KMO: variants seen among roughly 807,000 people sequenced by gnomAD.
The protein encoded by KMO is kynurenine 3-monooxygenase.
A neutral mutation model predicts 57.8 loss-of-function variants in KMO; 24 were observed. That is an observed-to-expected ratio of 0.42 (90% CI 0.30 to 0.58). KMO has a LOEUF of 0.58. Among genes scored for constraint, KMO ranks in the 20% least tolerant of loss-of-function variants. KMO has a pLI of 0.22. For synonymous variants in KMO, 210 were observed against 193.6 expected (o/e 1.08, Z -0.70); for missense variants, 483 against 588.2 (o/e 0.82, Z 1.85).
chr1:241,584,753 C>G (rs1287386998), intron 10 of KMO, among the ~76,000 whole-genome samples: 1 of 152,056 alleles, frequency 6.6e-6, no homozygotes, highest in Non-Finnish European at 1.5e-5. Context: ...ATTATATTCT[C>G]CATGAAGCAG....
At chr1:241,578,546 T>C (rs890509725) in intron 10 of KMO, among the ~76,000 whole-genome samples, 1 of 152,128 alleles carries the variant, frequency 6.6e-6, no homozygotes, top group African/African-American at 2.4e-5. Flanking sequence ...GATCCAGTAA[T>C]GTGACCTGCC....
At chr1:241,544,761 A>G (rs1292007536) in intron 1 of KMO, among the ~76,000 whole-genome samples, 2 of 152,176 alleles carry the variant, frequency 1.3e-5, no homozygotes, top group Non-Finnish European at 2.9e-5. Flanking sequence ...TAACATGCAT[A>G]CAAAATTTTG....
chr1:241,549,341 A>AGC, intron 2 of KMO, among the ~76,000 whole-genome samples: 2 of 144,554 alleles, frequency 1.4e-5, no homozygotes, highest in South Asian at 2.2e-4. Context: ...AGATGAAAAG[A>AGC]AAGAAAGAAA....
intron 9 of KMO, 29 bp downstream of exon 9, chr1:241,566,641 A>C: frequency 6.2e-7 from 1 of 1,610,702 alleles, no homozygotes; most frequent in Non-Finnish European, 8.5e-7. Context: ...CTTTTGCTCC[A>C]TTTGTTTTAA....
intron 10 of KMO, among the ~76,000 whole-genome samples, chr1:241,583,862 CT>C (rs774489950): frequency 3.0e-4 from 45 of 152,240 alleles, no homozygotes; most frequent in Non-Finnish European, 5.3e-4. Flanking sequence ...GGAAACTTGG[CT>C]ATCAGCAATT....
chr1:241,537,236 G>A (rs1016814688), intron 1 of KMO, among the ~76,000 whole-genome samples: 8 of 152,074 alleles, frequency 5.3e-5, no homozygotes, highest in Admixed American at 1.3e-4. Flanking sequence ...CTCGCTCACA[G>A]ATCTCTAGCT....
intron 10 of KMO, among the ~76,000 whole-genome samples, chr1:241,571,721 CA>C (rs1662285978): frequency 6.6e-6 from 1 of 151,922 alleles, no homozygotes; most frequent in African/African-American, 2.4e-5. Context: ...CTATGTTTAT[CA>C]GAGATATTGG....
chr1:241,586,730 G>T lies in KMO; in HGVS notation c.1009G>T (p.Asp337Tyr). Residue 337 changes from aspartate (D) to tyrosine (Y), a missense_variant, in exon 11 of 15, where the codon GAC (aspartate) becomes TAC (tyrosine). Transcript: ENST00000366559. ...TGAGTTAATGGATAAATTCAGTAAC[G>T]ACCTTAGTAAGTAAGGTCAATTTCT... ...FDELMDKFSN[D>Y]LSLCLPVFSR... is the part of the protein sequence containing the mutation. 1 of 1,602,866 alleles carries T rather than the reference G, an allele frequency of 6.2e-7. No individual in the cohort carries two copies. The highest frequency in any genetic ancestry group is 8.5e-7 in the Non-Finnish European group (1 of 1,175,304).
rs762428402 is a variant in KMO, at chr1:241,588,060, C to T, written c.1016-688C>T. Among the ~76,000 whole-genome samples, 5 of 152,074 alleles carry T rather than the reference C, an allele frequency of 3.3e-5. No homozygotes were observed. The East Asian group carries it at 9.6e-4, about 29-fold the overall frequency. On this transcript the variant is annotated intron_variant, in intron 11 of 14. Coordinates refer to ENST00000366559, the MANE Select transcript of KMO (RefSeq NM_003679.5). ...CACCCAGTTTCAAGTCCTGACTTGC[C>T]AACTTATTAACTGTGTGATCTTGAG...
Position 241,592,392 on chromosome 1 carries a change from T to C in KMO, c.*239T>C. 9.8e-6 allele frequency: 5 copies of C among 510,736 alleles called. No homozygotes were observed. The highest frequency in any genetic ancestry group is 1.8e-5 in the Non-Finnish European group (5 of 283,066). The allele number at this position is 510,736 out of a possible 1,614,324, so 31.6% of individuals were successfully genotyped here. A position where few individuals can be genotyped will look rare whatever the true frequency, so the allele number is the denominator to read the frequency against. On this transcript the variant is annotated 3_prime_UTR_variant, in exon 15 of 15. Coordinates refer to ENST00000366559, the MANE Select transcript of KMO (RefSeq NM_003679.5). ...CACTCAGGTTGAGTCATTCTAACTA[T>C]AAAAGTGCAATGACTAAGATCCTTC...
chr1:241,550,576 G>C (rs748535822), intron 3 of KMO, among the ~76,000 whole-genome samples: 110 of 152,176 alleles, frequency 7.2e-4, no homozygotes, highest in Non-Finnish European at 1.1e-3. Context: ...CCAGATAGCA[G>C]CAGTCATGTG....
chr1:241,565,195 C>G, intron 8 of KMO, 137 bp downstream of exon 8: 1 of 575,206 alleles, frequency 1.7e-6, no homozygotes, highest in South Asian at 2.4e-5. Flanking sequence ...AGCTTTGAAA[C>G]TTTGGGATTA....
At chr1:241,569,446 C>T (rs1573926387) in intron 10 of KMO, among the ~76,000 whole-genome samples, 2 of 152,054 alleles carry the variant, frequency 1.3e-5, no homozygotes, top group South Asian at 2.1e-4. Flanking sequence ...ATTTCACTAA[C>T]GTCTTCTGGT....
intron 10 of KMO, among the ~76,000 whole-genome samples, chr1:241,586,191 CTTTTTTTTT>C (rs386370217): frequency 8.7e-5 from 7 of 80,072 alleles, no homozygotes; most frequent in Non-Finnish European, 1.4e-4. Context: ...AGTCTATGGT[CTTTTTTTTT>C]TTTTTTTTTT....
chr1:241,558,689 A>G (rs1308478318), intron 5 of KMO, among the ~76,000 whole-genome samples: 1 of 151,218 alleles, frequency 6.6e-6, no homozygotes, highest in Non-Finnish European at 1.5e-5. Flanking sequence ...CTTGGTCTGC[A>G]TTGTGGATCT....
In KMO at chr1:241,551,029, TG is replaced by T; in HGVS notation, c.300del (p.Thr101GlnfsTer9). The T allele has an allele frequency of 6.4e-7, 1 of 1,556,914 alleles. No homozygotes were observed. Among genetic ancestry groups the T allele is most frequent in the South Asian group, 1.2e-5 (1 of 84,636 alleles). On this transcript the variant is annotated frameshift_variant, in exon 4 of 15. Transcript: ENST00000366559. LOFTEE classifies it high-confidence loss of function. ...LSGKKSAIPY[G>X]TKSQYILSVS... ...CAGGAAAAAAGTCTGCAATTCCCTA[TG>T]GGACAAAGTCTCAGGTAGGTTTACC...
intron 4 of KMO, among the ~76,000 whole-genome samples, chr1:241,554,781 G>A (rs1265308332): frequency 5.5e-5 from 8 of 146,404 alleles, no homozygotes; most frequent in African/African-American, 2.0e-4. Flanking sequence ...GACCAGGCTG[G>A]CCAACATGGC....
intron 10 of KMO, among the ~76,000 whole-genome samples, chr1:241,584,971 A>G (rs1662909134): frequency 6.6e-6 from 1 of 152,150 alleles, no homozygotes; most frequent in Non-Finnish European, 1.5e-5. Flanking sequence ...CACGCCTGTA[A>G]TCCCAGCACT....
intron 1 of KMO, among the ~76,000 whole-genome samples, chr1:241,537,518 GT>G (rs2147938145): frequency 6.6e-6 from 1 of 152,210 alleles, no homozygotes; most frequent in African/African-American, 2.4e-5. Context: ...CTCTACTCTT[GT>G]TTTGATACCA....
Sources: allele counts gnomAD v4.1 joint callset (sites outside exome capture counted in the v4.1 genomes callset), GRCh38; gene constraint gnomAD v4.1.1; transcripts MANE v1.5; gene names NCBI Gene and HGNC (gene_info 2026-07-23, HGNC 2026-07-21).